The following MAP4K5 variants were observed in gnomAD, a reference collection of about 807,000 sequenced individuals.
MAP4K5 encodes the protein mitogen-activated protein kinase kinase kinase kinase 5.
Under a neutral mutation model 135.6 loss-of-function variants are expected in MAP4K5, and 82 were observed. That is an observed-to-expected ratio of 0.60 (90% CI 0.51 to 0.73). The LOEUF (loss-of-function observed/expected upper bound fraction) is 0.73. Ranked by LOEUF, MAP4K5 falls within the 30% of genes least tolerant of loss-of-function variation. The pLI, the probability that MAP4K5 is intolerant of heterozygous loss-of-function variation, is 0.00. For missense variants in MAP4K5, 907 were observed against 1,010.9 expected (o/e 0.90, Z 1.39); for synonymous variants, 347 against 335.0 (o/e 1.04, Z -0.39).
intron 2 of MAP4K5, among the ~76,000 whole-genome samples, chr14:50,529,096 C>T (rs1386414931): frequency 1.3e-5 from 2 of 152,056 alleles, no homozygotes; most frequent in Non-Finnish European, 2.9e-5. Context: ...TAGACAGCAT[C>T]ACAGGGCCGG....
chr14:50,446,899 A>G (rs2036366122), intron 16 of MAP4K5, among the ~76,000 whole-genome samples: 1 of 152,210 alleles, frequency 6.6e-6, no homozygotes, highest in Non-Finnish European at 1.5e-5. Context: ...GTAATAAAAT[A>G]TAATTATTCT....
At chr14:50,458,962 C>A (rs534971992) in intron 13 of MAP4K5, among the ~76,000 whole-genome samples, 2 of 152,188 alleles carry the variant, frequency 1.3e-5, no homozygotes, top group South Asian at 4.2e-4. Flanking sequence ...GAACCCACCA[C>A]CAAGCCTTGC....
chr14:50,530,468 C>T (rs74936117), intron 2 of MAP4K5, among the ~76,000 whole-genome samples: 2,253 of 152,182 alleles, frequency 0.015, 47 homozygotes, highest in African/African-American at 0.051. Context: ...TGTAAATTAA[C>T]ATGAACTAAA....
At chr14:50,555,102 T>C (rs1337526298) in intron 1 of MAP4K5, among the ~76,000 whole-genome samples, 1 of 152,220 alleles carries the variant, frequency 6.6e-6, no homozygotes, top group African/African-American at 2.4e-5. Context: ...TTCTGGGTTG[T>C]ACCCTTAGAG....
At chr14:50,480,638 TTATAAAC>T (rs2037218125) in intron 6 of MAP4K5, among the ~76,000 whole-genome samples, 1 of 152,168 alleles carries the variant, frequency 6.6e-6, no homozygotes, top group Non-Finnish European at 1.5e-5. Flanking sequence ...AAGCCTCATT[TTATAAAC>T]TCATGCTCAC....
At chr14:50,552,487 A>G (rs368979470) in intron 1 of MAP4K5, among the ~76,000 whole-genome samples, 1 of 152,172 alleles carries the variant, frequency 6.6e-6, no homozygotes, top group Non-Finnish European at 1.5e-5. Flanking sequence ...AAATACCATC[A>G]TCATTCTTCA....
At chr14:50,423,263 C>T (rs1406575232) in intron 31 of MAP4K5, 87 bp from the exon 32 acceptor site, 2 of 582,186 alleles carry the variant, frequency 3.4e-6, no homozygotes, top group African/African-American at 3.8e-5. Flanking sequence ...CAATTATTAA[C>T]ACAATAAATA....
chr14:50,473,716 C>CTTTTTTTT (rs398077753), intron 9 of MAP4K5, among the ~76,000 whole-genome samples: 31 of 95,468 alleles, frequency 3.2e-4, no homozygotes, highest in African/African-American at 1.2e-3. Context: ...TTTGGTTTCA[C>CTTTTTTTT]TTTTTTTTTT....
intron 2 of MAP4K5, among the ~76,000 whole-genome samples, chr14:50,524,829 A>G (rs1326399785): frequency 6.6e-6 from 1 of 152,240 alleles, no homozygotes; most frequent in African/African-American, 2.4e-5. Context: ...AAGGAAATAA[A>G]GGAGAAATGA....
intron 9 of MAP4K5, among the ~76,000 whole-genome samples, chr14:50,469,018 C>T (rs906005988): frequency 1.3e-5 from 2 of 152,070 alleles, no homozygotes; most frequent in Non-Finnish European, 2.9e-5. Context: ...AAGGAAAAAT[C>T]TTGTTTTAGT....
intron 1 of MAP4K5, among the ~76,000 whole-genome samples, chr14:50,554,726 T>A (rs2038744270): frequency 6.6e-6 from 1 of 152,206 alleles, no homozygotes. Flanking sequence ...AGTTTAGAGA[T>A]GGGAGGTGGC....
chr14:50,483,402 G>A (rs1227207512), intron 5 of MAP4K5, among the ~76,000 whole-genome samples: 1 of 152,068 alleles, frequency 6.6e-6, no homozygotes, highest in Non-Finnish European at 1.5e-5. Flanking sequence ...ACCAAATCAG[G>A]TAGTCATGTG....
chr14:50,541,860 A>C (rs1045405407), intron 2 of MAP4K5, among the ~76,000 whole-genome samples: 28 of 151,738 alleles, frequency 1.8e-4, no homozygotes, highest in African/African-American at 5.1e-4. Flanking sequence ...ACAAAAAATT[A>C]GCTGGGTGCG....
intron 2 of MAP4K5, among the ~76,000 whole-genome samples, chr14:50,524,221 CAAG>C (rs1397794921): frequency 1.3e-5 from 2 of 152,092 alleles, no homozygotes; most frequent in Non-Finnish European, 1.5e-5. Flanking sequence ...AACCCTGAAA[CAAG>C]AAGAAACATT....
At chr14:50,541,368 A>G (rs982358375) in intron 2 of MAP4K5, among the ~76,000 whole-genome samples, 6 of 152,228 alleles carry the variant, frequency 3.9e-5, no homozygotes, top group African/African-American at 1.4e-4. Context: ...CACTAATACC[A>G]GAGAACGAGA....
At chr14:50,519,428 G>T (rs1337977400) in intron 2 of MAP4K5, among the ~76,000 whole-genome samples, 4 of 152,032 alleles carry the variant, frequency 2.6e-5, no homozygotes. Context: ...GTCAAGAAGG[G>T]CAGATCACCT....
At chr14:50,549,922 G>A (rs61982172) in intron 1 of MAP4K5, among the ~76,000 whole-genome samples, 24,158 of 152,126 alleles carry the variant, frequency 0.16, 2,236 homozygotes, top group Non-Finnish European at 0.2. Flanking sequence ...TAAAATATGC[G>A]CCGCAAACTC....
intron 9 of MAP4K5, among the ~76,000 whole-genome samples, chr14:50,469,489 T>C (rs1026334293): frequency 6.6e-6 from 1 of 152,180 alleles, no homozygotes; most frequent in Non-Finnish European, 1.5e-5. Context: ...ATGAAAATGA[T>C]GGGGACCCAA....
intron 3 of MAP4K5, among the ~76,000 whole-genome samples, chr14:50,504,054 T>C (rs1165071529): frequency 7.2e-5 from 11 of 152,102 alleles, no homozygotes; most frequent in Admixed American, 5.9e-4. Flanking sequence ...TGTTCCAGCA[T>C]ATGCTACCTC....
Sources: gnomAD v4.1 joint callset for allele counts (sites outside exome capture counted in the v4.1 genomes callset) on GRCh38, gnomAD v4.1.1 for gene constraint, MANE v1.5 for transcripts, NCBI Gene and HGNC (gene_info 2026-07-23, HGNC 2026-07-21) for gene names.